IL1RAPL1: variants seen among roughly 807,000 people sequenced by gnomAD.
IL1RAPL1 encodes the protein interleukin 1 receptor accessory protein like 1, also known as interleukin-1 receptor accessory protein-like 1.
In IL1RAPL1, 3 loss-of-function variants were observed where a neutral mutation model predicts 48.4. The ratio of observed to expected loss-of-function variants is 0.06; its 90% CI spans 0.03 to 0.16. The LOEUF (loss-of-function observed/expected upper bound fraction) is 0.16, where lower values mean the gene tolerates loss of function less well. IL1RAPL1 is among the 10% of genes least tolerant of loss of function. The probability of loss-of-function intolerance (pLI) is 1.00; values close to 1 mark genes in which losing one functional copy is unlikely to be tolerated. For missense variants in IL1RAPL1, 349 were observed against 530.6 expected (o/e 0.66, Z 3.36); for synonymous variants, 185 against 187.7 (o/e 0.99, Z 0.12).
intron 6 of IL1RAPL1, among the ~76,000 whole-genome samples, chrX:29,893,135 A>AACTT (rs1440194356): frequency 1.3e-4 from 14 of 111,777 alleles, no homozygotes; most frequent in Admixed American, 7.6e-4. Flanking sequence ...GCTCTGTGCT[A>AACTT]ACTTACAGTG....
At chrX:28,594,351 AATT>A (rs1477262559) in intron 1 of IL1RAPL1, among the ~76,000 whole-genome samples, 3 of 112,189 alleles carry the variant, frequency 2.7e-5, no homozygotes, top group African/African-American at 9.7e-5. Context: ...CAACAGTTGT[AATT>A]TAAAATTGGT....
chrX:29,127,726 G>A (rs370626843), intron 2 of IL1RAPL1, among the ~76,000 whole-genome samples: 2 of 111,499 alleles, frequency 1.8e-5, no homozygotes, highest in African/African-American at 3.3e-5. Context: ...TTGGGAGTCC[G>A]AGGCGGGTGG....
chrX:28,726,385 G>A (rs185290323), intron 1 of IL1RAPL1, among the ~76,000 whole-genome samples: 3 of 112,394 alleles, frequency 2.7e-5, no homozygotes, highest in Non-Finnish European at 5.6e-5. Context: ...GCACGCAAGT[G>A]TTAATACAGC....
At chrX:29,665,679 C>G (rs1355038472) in intron 5 of IL1RAPL1, among the ~76,000 whole-genome samples, 1 of 112,161 alleles carries the variant, frequency 8.9e-6, no homozygotes, top group Non-Finnish European at 1.9e-5. Context: ...GCCAATGTGT[C>G]AAATCAGTGG....
intron 2 of IL1RAPL1, among the ~76,000 whole-genome samples, chrX:29,148,810 A>G (rs201919448): frequency 1.8e-5 from 2 of 111,467 alleles, no homozygotes; most frequent in East Asian, 5.6e-4. Flanking sequence ...AGCTTTCGGG[A>G]TGGTTATATT....
intron 2 of IL1RAPL1, among the ~76,000 whole-genome samples, chrX:28,847,380 T>A (rs1169572276): frequency 2.7e-5 from 3 of 111,352 alleles, no homozygotes; most frequent in Non-Finnish European, 5.7e-5. Context: ...TTAACTGTTT[T>A]ATTCTGAATA....
At chrX:29,133,140 A>G (rs1158685814) in intron 2 of IL1RAPL1, among the ~76,000 whole-genome samples, 2 of 111,627 alleles carry the variant, frequency 1.8e-5, no homozygotes, top group Non-Finnish European at 3.8e-5. Context: ...CTCATATTCT[A>G]CTTCCCTGAA....
chrX:29,867,021 T>C (rs903311641), intron 6 of IL1RAPL1, among the ~76,000 whole-genome samples: 2 of 111,160 alleles, frequency 1.8e-5, no homozygotes, highest in Non-Finnish European at 3.8e-5. Flanking sequence ...TAAGATGTTG[T>C]CAAATAACTT....
chrX:29,896,032 C>G (rs921308148), intron 6 of IL1RAPL1, among the ~76,000 whole-genome samples: 5 of 111,195 alleles, frequency 4.5e-5, no homozygotes, highest in Non-Finnish European at 7.5e-5. Context: ...AGAAAGACTT[C>G]CAAAATGAGG....
At chrX:29,928,983 A>G (rs1328485798) in intron 8 of IL1RAPL1, among the ~76,000 whole-genome samples, 2 of 111,708 alleles carry the variant, frequency 1.8e-5, no homozygotes, top group Non-Finnish European at 3.8e-5. Context: ...TCTGTGGGAA[A>G]TATATTATCT....
At chrX:29,097,607 C>T (rs990543511) in intron 2 of IL1RAPL1, among the ~76,000 whole-genome samples, 1 of 111,549 alleles carries the variant, frequency 9.0e-6, no homozygotes, top group Non-Finnish European at 1.9e-5. Flanking sequence ...ATGTGTTGCT[C>T]CTTCTAGTAG....
chrX:29,149,579 G>A, intron 2 of IL1RAPL1, among the ~76,000 whole-genome samples: 2 of 111,655 alleles, frequency 1.8e-5, no homozygotes, highest in Admixed American at 1.9e-4. Context: ...AAAGAAACCT[G>A]AGCAACCACG....
intron 6 of IL1RAPL1, among the ~76,000 whole-genome samples, chrX:29,883,040 T>C (rs775643841): frequency 9.0e-6 from 1 of 111,690 alleles, no homozygotes; most frequent in Non-Finnish European, 1.9e-5. Flanking sequence ...AGTGACTTAA[T>C]GAAATCTTCA....
intron 1 of IL1RAPL1, among the ~76,000 whole-genome samples, chrX:28,621,567 A>T (rs911468215): frequency 2.7e-5 from 3 of 111,852 alleles, no homozygotes; most frequent in African/African-American, 9.7e-5. Context: ...TTGCAAACTT[A>T]AAAGTACAAA....
chrX:29,921,911 T>C (rs1234392484), intron 8 of IL1RAPL1, among the ~76,000 whole-genome samples: 1 of 112,255 alleles, frequency 8.9e-6, no homozygotes, highest in Non-Finnish European at 1.9e-5. Flanking sequence ...TTACTCATTC[T>C]TCATTTGTAT....
intron 2 of IL1RAPL1, among the ~76,000 whole-genome samples, chrX:29,261,594 G>A (rs1212830242): frequency 9.1e-6 from 1 of 110,261 alleles, no homozygotes; most frequent in Non-Finnish European, 1.9e-5. Context: ...TCCTTGCAGT[G>A]GTTTCCATCA....
chrX:29,062,493 G>T (rs1927364596), intron 2 of IL1RAPL1, among the ~76,000 whole-genome samples: 1 of 112,154 alleles, frequency 8.9e-6, no homozygotes. Context: ...TAAGGTTCTA[G>T]AATATGGATA....
intron 3 of IL1RAPL1, among the ~76,000 whole-genome samples, chrX:29,314,600 G>A (rs1020455602): frequency 1.8e-5 from 2 of 112,308 alleles, no homozygotes; most frequent in African/African-American, 6.5e-5. Context: ...TTATATTGAC[G>A]TAGGGGCCTT....
chrX:28,821,177 G>C (rs1475927118), intron 2 of IL1RAPL1, among the ~76,000 whole-genome samples: 1 of 111,704 alleles, frequency 9.0e-6, no homozygotes, highest in Non-Finnish European at 1.9e-5. Context: ...ATCTAACCAG[G>C]AATGGTTAGG....
Sources: gnomAD v4.1 joint callset for allele counts (sites outside exome capture counted in the v4.1 genomes callset) on GRCh38, gnomAD v4.1.1 for gene constraint, MANE v1.5 for transcripts, NCBI Gene and HGNC (gene_info 2026-07-23, HGNC 2026-07-21) for gene names.